The following BICRA variants were observed in gnomAD, a reference collection of about 807,000 sequenced individuals.
BICRA encodes the protein BRD4 interacting chromatin remodeling complex associated protein, also known as BRD4-interacting chromatin-remodeling complex-associated protein.
Under a neutral mutation model 96.9 loss-of-function variants are expected in BICRA, and 31 were observed. The ratio of observed to expected loss-of-function variants is 0.32; its 90% CI spans 0.24 to 0.43. BICRA has a LOEUF of 0.43. Ranked by LOEUF, BICRA falls within the 20% of genes least tolerant of loss-of-function variation. The pLI, the probability that BICRA is intolerant of heterozygous loss-of-function variation, is 1.00. For missense variants in BICRA, 2,283 were observed against 2,190.3 expected (o/e 1.04, Z -0.84); for synonymous variants, 1,350 against 1,071.8 (o/e 1.26, Z -5.07).
intron 11 of BICRA, among the ~76,000 whole-genome samples, chr19:47,696,717 G>T (rs543112190): frequency 5.3e-4 from 80 of 152,324 alleles, no homozygotes; most frequent in African/African-American, 1.9e-3. Context: ...GGGAGGGTGG[G>T]CTGTGGCTCC....
chr19:47,698,870 A>T lies in BICRA; in HGVS notation c.3397+88A>T, dbSNP rs1300784946. On this transcript the variant is annotated intron_variant, in intron 12 of 14. Coordinates refer to ENST00000594866, the MANE Select transcript of BICRA (RefSeq NM_001394372.1). This position sits in a 1 kb window ranked among gnomAD's most constrained non-coding sequence, Gnocchi z 4.8. ...GTCGCCAGTGTGGAGCCGCAGGTCC[A>T]CGGTGCGCTATGCTGACCCTGCCCC... is the stretch of plus-strand genomic sequence containing the variant. 4.5e-6 allele frequency: 6 copies of T among 1,341,502 alleles called. No individual in the cohort carries two copies. The South Asian group carries it at 5.0e-5, about 11-fold the overall frequency. 83.1% of individuals were successfully genotyped at this position (1,341,502 alleles called of 1,614,324 possible).
chr19:47,668,091 G>A (rs576733178), intron 1 of BICRA, among the ~76,000 whole-genome samples: 4 of 152,288 alleles, frequency 2.6e-5, no homozygotes, highest in South Asian at 4.1e-4. Flanking sequence ...TTAGCTGGGC[G>A]TGGTGGTGCA....
At chr19:47,640,720 C>G (rs577306165) in intron 1 of BICRA, among the ~76,000 whole-genome samples, 1 of 151,856 alleles carries the variant, frequency 6.6e-6, no homozygotes, top group East Asian at 1.9e-4. Flanking sequence ...TGAACAAAGA[C>G]CTGAAGGAGG....
intron 9 of BICRA, 83 bp downstream of exon 9, chr19:47,695,163 G>A: frequency 1.0e-6 from 1 of 958,718 alleles, no homozygotes. Flanking sequence ...ATGGGCTGGG[G>A]CAGGGCTGTG....
intron 7 of BICRA, among the ~76,000 whole-genome samples, chr19:47,686,482 C>G (rs1973161167): frequency 6.6e-6 from 1 of 152,086 alleles, no homozygotes; most frequent in African/African-American, 2.4e-5. Flanking sequence ...CTCCCAGGTT[C>G]AAGCGATTCT....
chr19:47,626,723 T>TG (rs1334691085), intron 1 of BICRA, among the ~76,000 whole-genome samples: 2 of 142,228 alleles, frequency 1.4e-5, no homozygotes, highest in African/African-American at 2.7e-5. Flanking sequence ...CTGGGTTTTT[T>TG]TTTTTTTTTT....
chr19:47,674,472 G>A (rs1202832095), intron 4 of BICRA, among the ~76,000 whole-genome samples: 1 of 152,204 alleles, frequency 6.6e-6, no homozygotes. Context: ...GCTCTGAGCA[G>A]CTGTATTAGT....
intron 1 of BICRA, among the ~76,000 whole-genome samples, chr19:47,642,779 A>G (rs185007495): frequency 6.2e-4 from 95 of 152,366 alleles, no homozygotes; most frequent in African/African-American, 2.2e-3. Context: ...ACCACCAGCA[A>G]TGGATAAGCA....
At chr19:47,613,714 G>A (rs762380588) in intron 1 of BICRA, among the ~76,000 whole-genome samples, 16 of 152,060 alleles carry the variant, frequency 1.1e-4, no homozygotes, top group Non-Finnish European at 1.9e-4. Flanking sequence ...CATGGGGAGC[G>A]TTTGGTTGAG....
At chr19:47,664,544 C>T (rs186104002) in intron 1 of BICRA, among the ~76,000 whole-genome samples, 1 of 152,268 alleles carries the variant, frequency 6.6e-6, no homozygotes, top group East Asian at 1.9e-4. Flanking sequence ...TCTCCTTTTC[C>T]TGTAAGATGT....
At chr19:47,635,040 G>C (rs1972279862) in intron 1 of BICRA, among the ~76,000 whole-genome samples, 2 of 152,208 alleles carry the variant, frequency 1.3e-5, no homozygotes, top group Admixed American at 6.5e-5. Flanking sequence ...GGGATTACAG[G>C]CGTGAGCCAC....
Position 47,645,688 on chromosome 19 carries a change from G to A in BICRA, c.-107-24755G>A, listed in dbSNP as rs184046878. ...GTAATCCTGTCACTCCTGGGGTAGA[G>A]CAAGTATGTTAATGTTTGGGCATAT... On this transcript the variant is annotated intron_variant, in intron 1 of 14. Coordinates refer to ENST00000594866, the MANE Select transcript of BICRA (RefSeq NM_001394372.1). 4.0e-4 allele frequency among the ~76,000 whole-genome samples: 61 copies of A among 152,324 alleles called. 1 individual carries two copies. Among genetic ancestry groups the A allele is most frequent in the African/African-American group, 1.4e-3 (58 of 41,572 alleles).
At chr19:47,623,874 C>T (rs1184899162) in intron 1 of BICRA, among the ~76,000 whole-genome samples, 4 of 149,530 alleles carry the variant, frequency 2.7e-5, no homozygotes, top group Non-Finnish European at 4.4e-5. Context: ...AGACTGAGAC[C>T]GAGTTTAGTT....
At chr19:47,671,761 T>C (rs546862023) in intron 2 of BICRA, among the ~76,000 whole-genome samples, 1 of 111,272 alleles carries the variant, frequency 9.0e-6, no homozygotes, top group Non-Finnish European at 1.8e-5. Context: ...GATGGAAGGA[T>C]GGAGGGATGG....
intron 1 of BICRA, among the ~76,000 whole-genome samples, chr19:47,609,634 C>T (rs1444260611): frequency 6.6e-6 from 1 of 151,688 alleles, no homozygotes; most frequent in Non-Finnish European, 1.5e-5. Context: ...CGGCCCCCTC[C>T]CCTCGCCCCG....
intron 10 of BICRA, 99 bp downstream of exon 10, chr19:47,695,573 C>T: frequency 3.0e-6 from 2 of 660,550 alleles, no homozygotes; most frequent in Non-Finnish European, 5.5e-6. Flanking sequence ...AAGACGCGGA[C>T]AGGATGAAGC....
In BICRA at chr19:47,702,409, C is replaced by G; in HGVS notation, c.4677C>G (p.Thr1559=). 9.3e-6 allele frequency: 14 copies of G among 1,500,940 alleles called. No individual in the cohort carries two copies. The highest frequency in any genetic ancestry group is 1.2e-5 in the Non-Finnish European group (14 of 1,140,450). 93.0% of individuals were successfully genotyped at this position (1,500,940 alleles called of 1,614,324 possible). A position where few individuals can be genotyped will look rare whatever the true frequency, so the allele number is the denominator to read the frequency against. The change falls in exon 15 of 15, where the codon ACC becomes ACG. Residue 1559 remains threonine (T), a synonymous_variant. Coordinates refer to ENST00000594866, the MANE Select transcript of BICRA (RefSeq NM_001394372.1). ...GTGGCCTCGGCGCCAGGACGTTGAC[C>G]AGATAACACCGGGCCGCCTCCCCTT... ...HNGGLGARTL[T]R
At chr19:47,659,966 C>T (rs1972680953) in intron 1 of BICRA, among the ~76,000 whole-genome samples, 3 of 152,050 alleles carry the variant, frequency 2.0e-5, no homozygotes, top group African/African-American at 7.2e-5. Context: ...GCCCAGGCTA[C>T]ATATATATCT....
intron 1 of BICRA, among the ~76,000 whole-genome samples, chr19:47,633,805 G>A (rs996917846): frequency 3.3e-5 from 5 of 152,216 alleles, no homozygotes; most frequent in Non-Finnish European, 7.3e-5. Context: ...GACAAGCCCT[G>A]ACCTGAAGCC....
Sources: allele counts gnomAD v4.1 joint callset (sites outside exome capture counted in the v4.1 genomes callset), GRCh38; gene constraint gnomAD v4.1.1; non-coding constraint Gnocchi (gnomAD v3.1); transcripts MANE v1.5; gene names NCBI Gene and HGNC (gene_info 2026-07-23, HGNC 2026-07-21).